PKNOX2: variants seen among roughly 807,000 people sequenced by gnomAD.
PKNOX2 encodes PBX/knotted 1 homeobox 2, also known as homeobox protein PKNOX2.
A neutral mutation model predicts 53.1 loss-of-function variants in PKNOX2; 14 were observed. The observed-to-expected ratio is 0.26, with a 90% CI of 0.17 to 0.41. The LOEUF (loss-of-function observed/expected upper bound fraction) is 0.41, where lower values mean the gene tolerates loss of function less well. Among genes scored for constraint, PKNOX2 ranks in the 10% least tolerant of loss-of-function variants. The pLI, the probability that PKNOX2 is intolerant of heterozygous loss-of-function variation, is 1.00. For missense variants in PKNOX2, 496 were observed against 602.8 expected (o/e 0.82, Z 1.85); for synonymous variants, 257 against 242.8 (o/e 1.06, Z -0.54).
At chr11:125,309,069 A>T (rs568145218) in intron 2 of PKNOX2, among the ~76,000 whole-genome samples, 1 of 151,808 alleles carries the variant, frequency 6.6e-6, no homozygotes, top group Non-Finnish European at 1.5e-5. Context: ...TGACTCCTTC[A>T]TCTGGACACC....
chr11:125,326,812 G>A (rs141077078), intron 2 of PKNOX2, among the ~76,000 whole-genome samples: 4 of 152,274 alleles, frequency 2.6e-5, no homozygotes, highest in South Asian at 2.1e-4. Flanking sequence ...AATTTAAACC[G>A]GTGGCATGCT....
chr11:125,402,223 T>G (rs1227863417), intron 7 of PKNOX2, among the ~76,000 whole-genome samples: 1 of 152,038 alleles, frequency 6.6e-6, no homozygotes, highest in Non-Finnish European at 1.5e-5. Flanking sequence ...CAGCTAGATT[T>G]TCCCCCTCCC....
intron 2 of PKNOX2, among the ~76,000 whole-genome samples, chr11:125,285,638 G>C (rs1946847926): frequency 1.3e-5 from 2 of 152,192 alleles, no homozygotes; most frequent in East Asian, 1.9e-4. Context: ...AGTAGTAGAG[G>C]TGACTGCAGC....
chr11:125,190,008 C>A (rs1956779488), intron 1 of PKNOX2: 1 of 152,180 alleles, frequency 6.6e-6, no homozygotes, highest in African/African-American at 2.4e-5. Context: ...TTGCTGCAAC[C>A]TCCGCCTCCT....
intron 2 of PKNOX2, among the ~76,000 whole-genome samples, chr11:125,249,793 C>T (rs571627591): frequency 4.6e-5 from 7 of 152,154 alleles, no homozygotes; most frequent in East Asian, 1.9e-4. Flanking sequence ...TTTTGGGCTG[C>T]ACGCGGTAGC....
chr11:125,248,606 TATATATA>T (rs1424416482), intron 2 of PKNOX2, among the ~76,000 whole-genome samples: 1 of 149,780 alleles, frequency 6.7e-6, no homozygotes, highest in Non-Finnish European at 1.5e-5. Flanking sequence ...ATAGATGTAT[TATATATA>T]AGATATATAA....
intron 1 of PKNOX2, among the ~76,000 whole-genome samples, chr11:125,189,571 G>T (rs981351211): frequency 6.8e-6 from 1 of 147,480 alleles, no homozygotes; most frequent in Non-Finnish European, 1.5e-5. Context: ...GAAGGTCTTT[G>T]TTGTCTCAAT....
chr11:125,314,372 G>A (rs1233654915), intron 2 of PKNOX2, among the ~76,000 whole-genome samples: 12 of 152,120 alleles, frequency 7.9e-5, no homozygotes. Flanking sequence ...TTGGGAGCCA[G>A]GGTGGGTCAG....
intron 1 of PKNOX2, among the ~76,000 whole-genome samples, chr11:125,182,391 G>T (rs1004031393): frequency 6.6e-6 from 1 of 152,180 alleles, no homozygotes; most frequent in African/African-American, 2.4e-5. Flanking sequence ...GGAAGATCTA[G>T]CTGAAAGGTA....
chr11:125,303,141 C>T (rs561600553), intron 2 of PKNOX2, among the ~76,000 whole-genome samples: 1 of 152,344 alleles, frequency 6.6e-6, no homozygotes, highest in Admixed American at 6.5e-5. Flanking sequence ...CCGTACCCTC[C>T]AAAACCTGAC....
At chr11:125,229,860 C>T (rs1237504046) in intron 1 of PKNOX2, among the ~76,000 whole-genome samples, 2 of 152,210 alleles carry the variant, frequency 1.3e-5, no homozygotes, top group Non-Finnish European at 2.9e-5. Flanking sequence ...GAGCCCACAC[C>T]ACCCAGTGTA....
At chr11:125,349,061 G>A (rs529971419) in intron 3 of PKNOX2, among the ~76,000 whole-genome samples, 256 of 152,332 alleles carry the variant, frequency 1.7e-3, no homozygotes, top group Non-Finnish European at 2.8e-3. Context: ...CCTATCCAAA[G>A]TTGCCTTCTC....
intron 8 of PKNOX2, 199 bp downstream of exon 8, chr11:125,410,524 C>G (rs989039663): frequency 3.7e-6 from 3 of 808,506 alleles, no homozygotes; most frequent in Non-Finnish European, 5.7e-6. Context: ...AAATTTGGGT[C>G]AAAATCTCAT....
Position 125,409,494 on chromosome 11 carries a change from C to G in PKNOX2, c.589-702C>G, listed in dbSNP as rs370381310. On this transcript the variant is annotated intron_variant, in intron 7 of 12. Coordinates refer to ENST00000298282, the MANE Select transcript of PKNOX2 (RefSeq NM_001382323.2). ...GGTGGCTGAGGCTCATATGAGACAC[C>G]CTTAGAAGACAGGTTATGGGAAGGC... 7.9e-5 allele frequency among the ~76,000 whole-genome samples: 12 copies of G among 152,148 alleles called. No individual in the cohort carries two copies. The East Asian group carries it at 1.9e-3, about 25-fold the overall frequency.
intron 2 of PKNOX2, among the ~76,000 whole-genome samples, chr11:125,324,159 A>C (rs906189436): frequency 6.6e-6 from 1 of 152,044 alleles, no homozygotes; most frequent in African/African-American, 2.4e-5. Context: ...GAAGCAGCTC[A>C]CCCTCTTTAT....
intron 3 of PKNOX2, among the ~76,000 whole-genome samples, chr11:125,345,981 C>T (rs933602936): frequency 1.3e-5 from 2 of 152,108 alleles, no homozygotes; most frequent in Non-Finnish European, 2.9e-5. Flanking sequence ...TCATTTTGGA[C>T]GCGGCGTTGG....
chr11:125,364,877 G>A (rs1350049873), intron 4 of PKNOX2, among the ~76,000 whole-genome samples: 2 of 151,990 alleles, frequency 1.3e-5, no homozygotes, highest in African/African-American at 4.8e-5. Context: ...ATGTAATCCA[G>A]CCACCCAGCT....
intron 2 of PKNOX2, among the ~76,000 whole-genome samples, chr11:125,290,412 C>G (rs1247923919): frequency 6.6e-6 from 1 of 152,138 alleles, no homozygotes; most frequent in Non-Finnish European, 1.5e-5. Context: ...TTCCTGGAGA[C>G]AGAGACTGAG....
chr11:125,297,676 G>A (rs900970724), intron 2 of PKNOX2, among the ~76,000 whole-genome samples: 2 of 152,158 alleles, frequency 1.3e-5, no homozygotes, highest in African/African-American at 4.8e-5. Context: ...TCTATGGCCA[G>A]CCCTTCGTCA....
Sources: allele counts gnomAD v4.1 joint callset (sites outside exome capture counted in the v4.1 genomes callset), GRCh38; gene constraint gnomAD v4.1.1; transcripts MANE v1.5; gene names NCBI Gene and HGNC (gene_info 2026-07-23, HGNC 2026-07-21).